DMD: variants seen among roughly 807,000 people sequenced by gnomAD.
DMD encodes mutant dystrophin.
A neutral mutation model predicts 330.1 loss-of-function variants in DMD; 63 were observed. The ratio of observed to expected loss-of-function variants is 0.19; its 90% CI spans 0.16 to 0.24. DMD has a LOEUF of 0.24. Among genes scored for constraint, DMD ranks in the 10% least tolerant of loss-of-function variants. The pLI is 1.00. For synonymous variants in DMD, 1,223 were observed against 959.8 expected (o/e 1.27, Z -5.07); for missense variants, 3,344 against 2,684.1 (o/e 1.25, Z -5.43).
chrX:32,674,732 A>G lies in DMD; in HGVS notation c.960+23138T>C, dbSNP rs140450023. 2.3e-3 allele frequency among the ~76,000 whole-genome samples: 252 copies of G among 111,251 alleles called. 1 individual carries two copies. The highest frequency in any genetic ancestry group is 4.8e-3 in the Admixed American group (50 of 10,416). ...TACATTTAGCTGTAAACAAGGGAAA[A>G]GAGTTTCCAAGATCTGCTGAGGGAA... On this transcript the variant is annotated intron_variant, in intron 9 of 78. Coordinates refer to ENST00000357033, the MANE Select transcript of DMD (RefSeq NM_004006.3).
intron 54 of DMD, among the ~76,000 whole-genome samples, chrX:31,640,602 A>C: frequency 8.9e-6 from 1 of 112,558 alleles, no homozygotes; most frequent in East Asian, 2.8e-4. Context: ...ATTTGCAACT[A>C]ATAGATAGGG....
intron 37 of DMD, among the ~76,000 whole-genome samples, chrX:32,356,382 A>T (rs1384232291): frequency 4.5e-5 from 1 of 22,036 alleles, no homozygotes; most frequent in African/African-American, 1.1e-4. Flanking sequence ...ATGGAAGTAA[A>T]AAAAAAAAAA....
chrX:32,627,580 G>A (rs945884332), intron 11 of DMD, among the ~76,000 whole-genome samples: 1 of 111,073 alleles, frequency 9.0e-6, no homozygotes, highest in Non-Finnish European at 1.9e-5. Flanking sequence ...GGGTCAAAAC[G>A]CAAACAAGGG....
At chrX:31,728,227 G>A (rs772238715) in intron 52 of DMD, among the ~76,000 whole-genome samples, 2 of 111,306 alleles carry the variant, frequency 1.8e-5, no homozygotes, top group African/African-American at 3.3e-5. Flanking sequence ...GGGTTTCACC[G>A]TGTTAGCCAG....
chrX:33,254,185 A>G (rs1187767389), intron 1 of DMD, among the ~76,000 whole-genome samples: 4 of 99,982 alleles, frequency 4.0e-5, no homozygotes, highest in Admixed American at 2.0e-4. Flanking sequence ...GCTTAATTAT[A>G]CACAAATTTG....
At chrX:32,642,265 C>G (rs2059516395) in intron 11 of DMD, among the ~76,000 whole-genome samples, 1 of 112,080 alleles carries the variant, frequency 8.9e-6, no homozygotes, top group African/African-American at 3.2e-5. Context: ...CCAGAAAAGT[C>G]TATGTGATAG....
chrX:32,857,982 G>C (rs1236650169), intron 2 of DMD, among the ~76,000 whole-genome samples: 1 of 102,733 alleles, frequency 9.7e-6, no homozygotes, highest in Non-Finnish European at 2.0e-5. Flanking sequence ...TGTACACCTA[G>C]CTGGGGCACC....
intron 48 of DMD, among the ~76,000 whole-genome samples, chrX:31,859,842 A>G (rs1211561649): frequency 8.9e-6 from 1 of 112,324 alleles, no homozygotes; most frequent in Non-Finnish European, 1.9e-5. Flanking sequence ...GTTATTTTCT[A>G]CCAACAGTCA....
chrX:32,243,597 C>T (rs1391177593), intron 43 of DMD, among the ~76,000 whole-genome samples: 1 of 111,281 alleles, frequency 9.0e-6, no homozygotes, highest in African/African-American at 3.3e-5. Context: ...GTAACAAACC[C>T]GTAGATAATA....
At chrX:31,382,316 C>T (rs2060222050) in intron 60 of DMD, among the ~76,000 whole-genome samples, 2 of 111,354 alleles carry the variant, frequency 1.8e-5, no homozygotes, top group Admixed American at 1.9e-4. Context: ...AGTCTCATTC[C>T]AGACACCAGA....
At chrX:32,546,421 G>A (rs1259466833) in intron 16 of DMD, among the ~76,000 whole-genome samples, 1 of 109,932 alleles carries the variant, frequency 9.1e-6, no homozygotes, top group Non-Finnish European at 1.9e-5. Context: ...AATTTGCCAA[G>A]AGGTAAGGGA....
intron 30 of DMD, among the ~76,000 whole-genome samples, chrX:32,394,921 A>AAAC (rs564629446): frequency 0.21 from 13,245 of 64,009 alleles, 1,143 homozygotes; most frequent in African/African-American, 0.29. Flanking sequence ...AAAAACAAAA[A>AAAC]AAAAAAAAAA....
At chrX:31,143,377 T>TC (rs2036311357) in intron 76 of DMD, among the ~76,000 whole-genome samples, 1 of 111,221 alleles carries the variant, frequency 9.0e-6, no homozygotes, top group Admixed American at 9.5e-5. Flanking sequence ...ATGCCTTGCT[T>TC]CCCCTTCACC....
rs192094855 is a variant in DMD, at chrX:31,916,342, G to A, written c.6912+13254C>T. ...ACACTATTGCAAATTTTACACTATT[G>A]GAGTTATTACTTAACTGATATATAG... is the stretch of plus-strand genomic sequence containing the variant. On this transcript the variant is annotated intron_variant, in intron 47 of 78. Transcript: ENST00000357033. 2.1e-3 allele frequency among the ~76,000 whole-genome samples: 235 copies of A among 112,118 alleles called. 2 individuals carry two copies. Among genetic ancestry groups the A allele is most frequent in the African/African-American group, 7.0e-3 (216 of 30,838 alleles).
At chrX:32,731,249 T>G (rs914230070) in intron 7 of DMD, among the ~76,000 whole-genome samples, 1 of 112,231 alleles carries the variant, frequency 8.9e-6, no homozygotes, top group Non-Finnish European at 1.9e-5. Flanking sequence ...TGCATCTGGC[T>G]CGGAGGGTCC....
At chrX:32,122,475 A>G (rs2096640907) in intron 44 of DMD, among the ~76,000 whole-genome samples, 1 of 111,962 alleles carries the variant, frequency 8.9e-6, no homozygotes, top group Non-Finnish European at 1.9e-5. Context: ...TTTGGGATGA[A>G]GGGTAGGAGT....
intron 59 of DMD, among the ~76,000 whole-genome samples, chrX:31,466,137 C>T (rs779853277): frequency 2.7e-5 from 3 of 112,263 alleles, no homozygotes; most frequent in Non-Finnish European, 5.6e-5. Context: ...TGCTTGTTCA[C>T]TCTGATGATA....
At chrX:32,245,018 G>A (rs368842602) in intron 43 of DMD, among the ~76,000 whole-genome samples, 12 of 67,753 alleles carry the variant, frequency 1.8e-4, no homozygotes, top group African/African-American at 3.6e-4. Flanking sequence ...TTGGTGTTTT[G>A]GACATGAAGT....
chrX:31,173,677 T>C, intron 71 of DMD, 73 bp from the exon 72 acceptor site: 1 of 908,855 alleles, frequency 1.1e-6, no homozygotes. Flanking sequence ...CACAGTTATG[T>C]TATACACATG....
Sources: allele counts gnomAD v4.1 joint callset (sites outside exome capture counted in the v4.1 genomes callset), GRCh38; gene constraint gnomAD v4.1.1; transcripts MANE v1.5; gene names NCBI Gene and HGNC (gene_info 2026-07-23, HGNC 2026-07-21).